Variants in CHD1L observed in about 807,000 individuals in gnomAD.
The protein encoded by CHD1L is ATP-dependent chromatin remodeler CHD1L.
A neutral mutation model predicts 115.9 loss-of-function variants in CHD1L; 118 were observed. The ratio of observed to expected loss-of-function variants is 1.02; its 90% CI spans 0.88 to 1.19. The LOEUF (loss-of-function observed/expected upper bound fraction) is 1.19. CHD1L is among the 50% of genes most tolerant of loss of function. The pLI is 0.00. For missense variants in CHD1L, 1,179 were observed against 1,065.3 expected (o/e 1.11, Z -1.49); for synonymous variants, 411 against 387.1 (o/e 1.06, Z -0.72).
At chr1:147,294,337 C>G in intron 21 of CHD1L, 72 bp from the exon 22 acceptor site, 3 of 969,654 alleles carry the variant, frequency 3.1e-6, no homozygotes, top group Non-Finnish European at 4.6e-6. Flanking sequence ...TAATAATTTT[C>G]TCCCATGTGT....
intron 16 of CHD1L, 136 bp downstream of exon 16, chr1:147,284,635 T>C (rs1553964169): frequency 6.3e-6 from 5 of 789,584 alleles, no homozygotes; most frequent in East Asian, 3.0e-5. Flanking sequence ...TGAAATGTTA[T>C]TATAATTAAC....
At chr1:147,231,757 G>A in the CHD1L span, among the ~76,000 whole-genome samples, 5 of 152,114 alleles carry the variant, frequency 3.3e-5, no homozygotes, top group African/African-American at 1.2e-4. Context: ...CTCCTGGTGT[G>A]CCGTTCGCTA....
chr1:147,284,463 T>C lies in CHD1L; in HGVS notation c.1818T>C (p.Ala606=), dbSNP rs781935987. The C allele has an allele frequency of 6.2e-7, 1 of 1,611,032 alleles. No individual in the cohort carries two copies. Among genetic ancestry groups the C allele is most frequent in the Non-Finnish European group, 8.5e-7 (1 of 1,179,060 alleles). Residue 606 remains alanine (A), a synonymous_variant, in exon 16 of 23, where the codon GCT becomes GCC. Coordinates refer to ENST00000369258, the MANE Select transcript of CHD1L (RefSeq NM_004284.6). ...VNLQKTLLEK[A]SQEGRSLRNK... is the part of the protein sequence containing the mutation. ...TTCAGAAAACCCTTTTGGAGAAAGC[T>C]AGTCAAGAGGGCCGATCACTCCGAA...
intron 18 of CHD1L, among the ~76,000 whole-genome samples, 153 bp downstream of exon 18, chr1:147,286,653 A>T (rs1683251220): frequency 6.6e-6 from 1 of 152,178 alleles, no homozygotes; most frequent in African/African-American, 2.4e-5. Flanking sequence ...ATATTCCAGA[A>T]TCATTTCACT....
At chr1:147,243,131 T>G (rs1665348066) in intron 1 of CHD1L, 1 of 245,488 alleles carries the variant, frequency 4.1e-6, no homozygotes, top group Admixed American at 5.6e-5. Flanking sequence ...CCTGCAGGCC[T>G]CCGCTGAAGA....
chr1:147,186,930 G>C, the CHD1L span: 2 of 1,614,018 alleles, frequency 1.2e-6, no homozygotes, highest in South Asian at 2.2e-5. Context: ...TAGCAAAGAA[G>C]GCAAGAGCTA....
At chr1:147,178,424 A>G in the CHD1L span, 2 of 1,611,498 alleles carry the variant, frequency 1.2e-6, no homozygotes, top group Non-Finnish European at 1.7e-6. Context: ...CCAACCCTGA[A>G]TATGTTTAGA....
chr1:147,242,611 G>T, upstream of CHD1L: 1 of 1,186,682 alleles, frequency 8.4e-7, no homozygotes, highest in Non-Finnish European at 1.1e-6. Flanking sequence ...GCTCGTAGGT[G>T]GGCCCCAGCG....
At chr1:147,243,456 C>T (rs782675640) in intron 1 of CHD1L, among the ~76,000 whole-genome samples, 5 of 152,002 alleles carry the variant, frequency 3.3e-5, no homozygotes, top group Admixed American at 1.3e-4. Flanking sequence ...GTCCGCTCAC[C>T]ACCGCACGTA....
At chr1:147,263,299 G>A (rs1672639161) in intron 6 of CHD1L, among the ~76,000 whole-genome samples, 1 of 151,886 alleles carries the variant, frequency 6.6e-6, no homozygotes, top group Admixed American at 6.6e-5. Context: ...ATGTGGTGGT[G>A]AGTGTGTGTA....
intron 15 of CHD1L, 47 bp downstream of exon 15, chr1:147,280,238 T>A: frequency 6.6e-7 from 1 of 1,510,472 alleles, no homozygotes; most frequent in East Asian, 2.3e-5. Flanking sequence ...CACCCCAAGC[T>A]AGAGCTCACG....
intron 21 of CHD1L, 70 bp downstream of exon 21, chr1:147,293,792 G>C: frequency 1.5e-6 from 2 of 1,298,502 alleles, no homozygotes; most frequent in South Asian, 1.2e-5. Flanking sequence ...CTTTTGAAGG[G>C]AGGTAAGAAA....
chr1:147,230,772 T>C, the CHD1L span, among the ~76,000 whole-genome samples: 1 of 150,928 alleles, frequency 6.6e-6, no homozygotes, highest in African/African-American at 2.4e-5. Context: ...ATCCATTTCT[T>C]CTAGATTTTC....
intron 16 of CHD1L, 79 bp from the exon 17 acceptor site, chr1:147,285,245 C>T (rs903710455): frequency 2.2e-5 from 32 of 1,461,944 alleles, no homozygotes; most frequent in Admixed American, 1.2e-4. Context: ...ATGTTGCTTC[C>T]GTACAGTGTG....
chr1:147,215,918 T>C, the CHD1L span: 1 of 1,607,718 alleles, frequency 6.2e-7, no homozygotes, highest in East Asian at 2.2e-5. Context: ...TTGTAAATAC[T>C]GGCCCTTCCT....
the CHD1L span, among the ~76,000 whole-genome samples, chr1:147,217,243 AAAAAAG>A: frequency 4.0e-5 from 6 of 151,410 alleles, no homozygotes; most frequent in African/African-American, 4.9e-5. Context: ...CCGTCTACAA[AAAAAAG>A]AAAAAGAAAA....
At chr1:147,176,734 A>G in the CHD1L span, among the ~76,000 whole-genome samples, 155 of 152,316 alleles carry the variant, frequency 1.0e-3, no homozygotes, top group African/African-American at 3.4e-3. Flanking sequence ...CTATGTATAT[A>G]TCATCACCAT....
the CHD1L span, among the ~76,000 whole-genome samples, chr1:147,231,240 A>G: frequency 0.017 from 2,614 of 152,234 alleles, 78 homozygotes; most frequent in African/African-American, 0.06. Flanking sequence ...GAACCTCTTT[A>G]TCTCTACCTT....
upstream of CHD1L, chr1:147,242,604 C>G (rs1323924811): frequency 8.6e-7 from 1 of 1,164,420 alleles, no homozygotes; most frequent in East Asian, 3.2e-5. Context: ...GCGCCTCGCT[C>G]GTAGGTGGGC....
Sources: gnomAD v4.1 joint callset for allele counts (sites outside exome capture counted in the v4.1 genomes callset) on GRCh38, gnomAD v4.1.1 for gene constraint, MANE v1.5 for transcripts, NCBI Gene and HGNC (gene_info 2026-07-23, HGNC 2026-07-21) for gene names.